The following RPS6KA5 variants were observed in gnomAD, a reference collection of about 807,000 sequenced individuals.
The protein encoded by RPS6KA5 is ribosomal protein S6 kinase alpha-5.
Under a neutral mutation model 85.5 loss-of-function variants are expected in RPS6KA5, and 27 were observed. The observed-to-expected ratio is 0.32, with a 90% CI of 0.23 to 0.44. The LOEUF is 0.44. RPS6KA5 is among the 20% of genes least tolerant of loss of function. The pLI is 1.00. For missense variants in RPS6KA5, 811 were observed against 980.9 expected (o/e 0.83, Z 2.31); for synonymous variants, 334 against 348.2 (o/e 0.96, Z 0.46).
At position 90,855,185 on chromosome 14, in the gene RPS6KA5, G is replaced by A. The variant is rs996678191; in HGVS notation, c.*16889C>T. 3.9e-5 allele frequency: 6 copies of A among 152,094 alleles called. No individual in the cohort carries two copies. The highest frequency in any genetic ancestry group is 1.2e-4 in the African/African-American group (5 of 41,426). The allele number at this position is 152,094 out of a possible 1,614,324, so 9.4% of individuals were successfully genotyped here. On this transcript the variant is annotated 3_prime_UTR_variant, in exon 17 of 17. Transcript: ENST00000614987. ...TTCAAATGTATATGATGGGGCTAAG[G>A]GAGACATAGCTTCTGACTACTTAGT... is the stretch of plus-strand genomic sequence containing the variant.
chr14:91,050,545 A>G (rs1158649669), intron 1 of RPS6KA5, among the ~76,000 whole-genome samples: 2 of 152,042 alleles, frequency 1.3e-5, no homozygotes, highest in Non-Finnish European at 2.9e-5. Context: ...TCTCTTGCCT[A>G]AGCCTCCCAA....
At chr14:90,948,904 C>T (rs1427199291) in intron 3 of RPS6KA5, among the ~76,000 whole-genome samples, 1 of 152,132 alleles carries the variant, frequency 6.6e-6, no homozygotes, top group Non-Finnish European at 1.5e-5. Flanking sequence ...TGAAATTGTT[C>T]ATGAACTCAC....
At chr14:91,034,697 T>C (rs1275927966) in intron 1 of RPS6KA5, among the ~76,000 whole-genome samples, 1 of 152,200 alleles carries the variant, frequency 6.6e-6, no homozygotes, top group Non-Finnish European at 1.5e-5. Flanking sequence ...GGAAGCCTTG[T>C]TCTTTCACTC....
At chr14:90,949,180 A>G (rs1240907581) in intron 3 of RPS6KA5, among the ~76,000 whole-genome samples, 3 of 152,214 alleles carry the variant, frequency 2.0e-5, no homozygotes, top group Non-Finnish European at 4.4e-5. Flanking sequence ...TTACTTAAAA[A>G]CTCAATACTT....
chr14:90,881,249 G>A (rs12885465), intron 14 of RPS6KA5, among the ~76,000 whole-genome samples: 6 of 151,532 alleles, frequency 4.0e-5, no homozygotes, highest in African/African-American at 1.5e-4. Flanking sequence ...CCAGGAGTTT[G>A]AGACCAGTGT....
At chr14:91,007,129 A>G (rs984339681) in intron 1 of RPS6KA5, among the ~76,000 whole-genome samples, 1 of 152,130 alleles carries the variant, frequency 6.6e-6, no homozygotes, top group Non-Finnish European at 1.5e-5. Context: ...GGCCTGGGAG[A>G]GCAGAGTTTG....
At chr14:91,008,901 T>C (rs142794504) in intron 1 of RPS6KA5, among the ~76,000 whole-genome samples, 29 of 152,268 alleles carry the variant, frequency 1.9e-4, no homozygotes, top group African/African-American at 6.7e-4. Flanking sequence ...CAATGAGGTA[T>C]TGCAGTAAAA....
At chr14:91,059,967 G>A (rs1364984611) in intron 1 of RPS6KA5, 2 of 913,264 alleles carry the variant, frequency 2.2e-6, no homozygotes, top group Non-Finnish European at 2.6e-6. Flanking sequence ...CGCCCCACGC[G>A]GAGGCAGGCG....
intron 3 of RPS6KA5, among the ~76,000 whole-genome samples, chr14:90,974,037 C>CAAAAAAAAAAAAAAAAAAAAAAAAAA (rs56212923): frequency 1.6e-5 from 1 of 61,444 alleles, no homozygotes; most frequent in African/African-American, 6.2e-5. Context: ...GACTCCATCT[C>CAAAAAAAAAAAAAAAAAAAAAAAAAA]AAAAAAAAAA....
At chr14:91,029,412 CAA>C (rs968259124) in intron 1 of RPS6KA5, among the ~76,000 whole-genome samples, 1 of 152,092 alleles carries the variant, frequency 6.6e-6, no homozygotes, top group African/African-American at 2.4e-5. Flanking sequence ...GACATATCTA[CAA>C]AGATATCTTA....
At position 90,868,969 on chromosome 14, in the gene RPS6KA5, A is replaced by C. The variant is rs2032929589; in HGVS notation, c.*3105T>G. The C allele has an allele frequency of 6.6e-6, 1 of 152,232 alleles. No individual in the cohort carries two copies. Among genetic ancestry groups the C allele is most frequent in the Non-Finnish European group, 1.5e-5 (1 of 68,030 alleles). The allele number at this position is 152,232 out of a possible 1,614,324, so 9.4% of individuals were successfully genotyped here. A position where few individuals can be genotyped will look rare whatever the true frequency, so the allele number is the denominator to read the frequency against. Reference sequence around the variant, plus strand: ...CTCCAAGACAGACAACAATGTGGAAATTAACTCAGGAGACTGACTTTCTAT... The same window carrying C: ...CTCCAAGACAGACAACAATGTGGAACTTAACTCAGGAGACTGACTTTCTAT... On this transcript the variant is annotated 3_prime_UTR_variant, in exon 17 of 17. Transcript: ENST00000614987.
intron 2 of RPS6KA5, among the ~76,000 whole-genome samples, chr14:90,987,575 T>C (rs1379417147): frequency 1.3e-5 from 2 of 152,164 alleles, no homozygotes; most frequent in South Asian, 2.1e-4. Flanking sequence ...ATATCACAAA[T>C]TACATTTCAA....
At chr14:90,974,131 G>C (rs1051660767) in intron 3 of RPS6KA5, among the ~76,000 whole-genome samples, 11 of 151,728 alleles carry the variant, frequency 7.2e-5, no homozygotes, top group African/African-American at 2.7e-4. Flanking sequence ...GAAGGGATCA[G>C]GCTGTCACTA....
At chr14:91,041,659 A>G (rs1419345344) in intron 1 of RPS6KA5, among the ~76,000 whole-genome samples, 4 of 152,250 alleles carry the variant, frequency 2.6e-5, no homozygotes, top group Middle Eastern at 3.2e-3. Context: ...GTGCTAAGCT[A>G]TTCTGAAGCT....
At chr14:90,915,882 T>A (rs1037650772) in intron 7 of RPS6KA5, among the ~76,000 whole-genome samples, 1 of 151,748 alleles carries the variant, frequency 6.6e-6, no homozygotes, top group Non-Finnish European at 1.5e-5. Flanking sequence ...GAAAAGCACA[T>A]GTACATGTAT....
Position 90,900,221 on chromosome 14 carries a change from G to C in RPS6KA5, c.1266C>G (p.His422Gln). Residue 422 changes from histidine to glutamine, a missense_variant, in exon 11 of 17, where the codon CAC becomes CAG. Physicochemically the swap from His to Gln is conservative, Grantham distance 24. This residue lies in a region of RPS6KA5 where 650 missense variants were observed against 793.4 expected (regional missense o/e 0.82). Coordinates refer to ENST00000614987, the MANE Select transcript of RPS6KA5 (RefSeq NM_004755.4). ...AMMKDSPFYQ[H>Q]YDLDLKDKPL... is the part of the protein sequence containing the mutation. Reference sequence around the variant, plus strand: ...GTTTGTCCTTCAAATCTAGGTCATAGTGTTGATAGAATGGAGAGTCCTGTC... The same window carrying C: ...GTTTGTCCTTCAAATCTAGGTCATACTGTTGATAGAATGGAGAGTCCTGTC... 1.3e-6 allele frequency: 2 copies of C among 1,595,926 alleles called. No individual in the cohort carries two copies. The highest frequency in any genetic ancestry group is 8.5e-7 in the Non-Finnish European group (1 of 1,170,622).
chr14:90,879,668 C>G (rs911351710), intron 14 of RPS6KA5, among the ~76,000 whole-genome samples: 2 of 152,204 alleles, frequency 1.3e-5, no homozygotes, highest in African/African-American at 4.8e-5. Flanking sequence ...CTCTTTTCCT[C>G]AGTCCTGCAC....
At chr14:90,950,765 AT>A (rs1316889060) in intron 3 of RPS6KA5, among the ~76,000 whole-genome samples, 61 of 152,162 alleles carry the variant, frequency 4.0e-4, no homozygotes, top group African/African-American at 1.5e-3. Context: ...AATTATCTTT[AT>A]TTGTTACTGG....
At chr14:90,927,574 T>C (rs939288219) in intron 5 of RPS6KA5, among the ~76,000 whole-genome samples, 2 of 151,976 alleles carry the variant, frequency 1.3e-5, no homozygotes, top group African/African-American at 4.8e-5. Context: ...GGAGGAGAAA[T>C]GAACTTTAAG....
Sources: gnomAD v4.1 joint callset for allele counts (sites outside exome capture counted in the v4.1 genomes callset) on GRCh38, gnomAD v4.1.1 for gene constraint, gnomAD v4.1.1 regional missense constraint, MANE v1.5 for transcripts, NCBI Gene and HGNC (gene_info 2026-07-23, HGNC 2026-07-21) for gene names.